SPOCK1: variants seen among roughly 807,000 people sequenced by gnomAD.
SPOCK1 encodes the protein testican-1.
A neutral mutation model predicts 55.3 loss-of-function variants in SPOCK1; 23 were observed. The ratio of observed to expected loss-of-function variants is 0.42; its 90% CI spans 0.30 to 0.59. The LOEUF is 0.59. Ranked by LOEUF, SPOCK1 falls within the 20% of genes least tolerant of loss-of-function variation. The pLI, the probability that SPOCK1 is intolerant of heterozygous loss-of-function variation, is 0.22. For missense variants in SPOCK1, 499 were observed against 552.5 expected (o/e 0.90, Z 0.97); for synonymous variants, 226 against 221.0 (o/e 1.02, Z -0.20).
At chr5:137,114,060 G>A (rs1753527795) in intron 4 of SPOCK1, among the ~76,000 whole-genome samples, 1 of 152,192 alleles carries the variant, frequency 6.6e-6, no homozygotes, top group South Asian at 2.1e-4. Context: ...AGGTCTGTTT[G>A]GGGAACAACC....
intron 4 of SPOCK1, 118 bp from the exon 5 acceptor site, chr5:137,112,679 A>C (rs1391228359): frequency 1.8e-5 from 23 of 1,283,684 alleles, no homozygotes; most frequent in Non-Finnish European, 2.3e-5. Flanking sequence ...AGGCCAAGGG[A>C]TCCTGAGGGC....
chr5:137,220,099 G>A (rs1380607865), intron 3 of SPOCK1, among the ~76,000 whole-genome samples: 3 of 152,130 alleles, frequency 2.0e-5, no homozygotes, highest in Non-Finnish European at 4.4e-5. Flanking sequence ...TGACCCAGGA[G>A]GGTGGTGTTT....
chr5:137,195,114 TTCTCAC>T (rs1755272892), intron 3 of SPOCK1, among the ~76,000 whole-genome samples: 1 of 152,234 alleles, frequency 6.6e-6, no homozygotes, highest in Non-Finnish European at 1.5e-5. Flanking sequence ...TTTTGTTTTC[TTCTCAC>T]TCTAACAATG....
At chr5:137,052,265 C>T (rs1752220817) in intron 6 of SPOCK1, among the ~76,000 whole-genome samples, 1 of 152,212 alleles carries the variant, frequency 6.6e-6, no homozygotes, top group African/African-American at 2.4e-5. Flanking sequence ...AATACACCCT[C>T]TTTTGTTTAA....
chr5:137,226,890 C>T (rs1755957227), intron 3 of SPOCK1, among the ~76,000 whole-genome samples: 2 of 152,122 alleles, frequency 1.3e-5, no homozygotes, highest in African/African-American at 4.8e-5. Flanking sequence ...TTTGTGAGGC[C>T]AAGATCCATA....
intron 2 of SPOCK1, among the ~76,000 whole-genome samples, chr5:137,423,466 C>T (rs1055654520): frequency 7.9e-5 from 12 of 152,246 alleles, no homozygotes; most frequent in South Asian, 2.1e-4. Context: ...TGTTTACCTA[C>T]TCAAGCCTCG....
chr5:137,125,581 G>A (rs955355145), intron 4 of SPOCK1, among the ~76,000 whole-genome samples: 1 of 151,982 alleles, frequency 6.6e-6, no homozygotes, highest in South Asian at 2.1e-4. Flanking sequence ...AGGACACAAT[G>A]AAAAAATGTC....
At chr5:137,389,069 C>T (rs1751657339) in intron 2 of SPOCK1, among the ~76,000 whole-genome samples, 1 of 152,194 alleles carries the variant, frequency 6.6e-6, no homozygotes, top group South Asian at 2.1e-4. Flanking sequence ...AAGCACACTG[C>T]CACACACTTC....
chr5:137,293,771 C>G (rs1757422527), intron 2 of SPOCK1, among the ~76,000 whole-genome samples: 1 of 152,056 alleles, frequency 6.6e-6, no homozygotes, highest in South Asian at 2.1e-4. Context: ...AATCCCAGCA[C>G]TTTGGGAGGC....
chr5:137,472,172 C>T (rs1438617634), intron 2 of SPOCK1, among the ~76,000 whole-genome samples: 1 of 152,190 alleles, frequency 6.6e-6, no homozygotes. Context: ...CCTGTACACA[C>T]TTGGAGTGGA....
At chr5:137,228,357 T>G (rs1755986669) in intron 3 of SPOCK1, among the ~76,000 whole-genome samples, 1 of 152,150 alleles carries the variant, frequency 6.6e-6, no homozygotes. Context: ...AAACTAATCA[T>G]CAGCCAGATG....
At chr5:137,274,479 G>T (rs1366844124) in intron 2 of SPOCK1, among the ~76,000 whole-genome samples, 4 of 152,182 alleles carry the variant, frequency 2.6e-5, no homozygotes, top group Admixed American at 6.5e-5. Flanking sequence ...AAGGATGGTT[G>T]CAATGACTTG....
chr5:137,355,643 G>A (rs929067411), intron 2 of SPOCK1, among the ~76,000 whole-genome samples: 2 of 152,136 alleles, frequency 1.3e-5, no homozygotes, highest in African/African-American at 4.8e-5. Context: ...GAGAGGTGCT[G>A]GACTGTCTCA....
At position 137,494,942 on chromosome 5, in the gene SPOCK1, A is replaced by C. The variant is rs147845092; in HGVS notation, c.186+3431T>G. ...CTCAACCTCAAGCCATGGAGGAGTT[A>C]AATGCATGTCAGCTAAAGATGGAAA... On this transcript the variant is annotated intron_variant, in intron 2 of 10. Coordinates refer to ENST00000394945, the MANE Select transcript of SPOCK1 (RefSeq NM_004598.4). Among the ~76,000 whole-genome samples, 570 of 152,360 alleles carry C rather than the reference A, an allele frequency of 3.7e-3. 6 individuals are homozygous for C. The highest frequency in any genetic ancestry group is 0.013 in the African/African-American group (527 of 41,586).
intron 5 of SPOCK1, among the ~76,000 whole-genome samples, chr5:137,102,180 C>T (rs899256850): frequency 2.6e-5 from 4 of 151,992 alleles, no homozygotes; most frequent in Admixed American, 2.0e-4. Context: ...TTATTCATAG[C>T]GAAGGTTGGG....
chr5:137,180,141 C>T (rs1015021859), intron 3 of SPOCK1, among the ~76,000 whole-genome samples: 3 of 152,140 alleles, frequency 2.0e-5, no homozygotes, highest in African/African-American at 7.2e-5. Context: ...GTTCTCCACC[C>T]CTCTAGCACC....
intron 2 of SPOCK1, among the ~76,000 whole-genome samples, chr5:137,321,585 G>GA (rs1003403551): frequency 2.6e-5 from 4 of 151,588 alleles, no homozygotes; most frequent in Admixed American, 6.6e-5. Flanking sequence ...GATTAAAAAA[G>GA]AAAAAAAAGG....
At chr5:137,089,570 A>G (rs1211067571) in intron 5 of SPOCK1, among the ~76,000 whole-genome samples, 1 of 152,106 alleles carries the variant, frequency 6.6e-6, no homozygotes, top group African/African-American at 2.4e-5. Context: ...CTCCTCAGTG[A>G]CCTAGTGCAG....
chr5:137,087,551 A>C (rs191620850), intron 5 of SPOCK1, among the ~76,000 whole-genome samples: 86 of 152,330 alleles, frequency 5.6e-4, no homozygotes, highest in African/African-American at 1.9e-3. Flanking sequence ...GAGGTCTCTC[A>C]CTCTCAAAAA....
Sources: allele counts gnomAD v4.1 joint callset (sites outside exome capture counted in the v4.1 genomes callset), GRCh38; gene constraint gnomAD v4.1.1; transcripts MANE v1.5; gene names NCBI Gene and HGNC (gene_info 2026-07-23, HGNC 2026-07-21).